The following TNRC6B variants were observed in gnomAD, a reference collection of about 807,000 sequenced individuals.
The protein encoded by TNRC6B is trinucleotide repeat-containing gene 6B protein.
Under a neutral mutation model 203.6 loss-of-function variants are expected in TNRC6B, and 52 were observed. The observed-to-expected ratio is 0.26, with a 90% confidence interval of 0.20 to 0.32. The LOEUF (loss-of-function observed/expected upper bound fraction) is 0.32. Ranked by LOEUF, TNRC6B falls within the 10% of genes least tolerant of loss-of-function variation. The probability of loss-of-function intolerance (pLI) is 1.00; values close to 1 mark genes in which losing one functional copy is unlikely to be tolerated. For synonymous variants in TNRC6B, 838 were observed against 845.7 expected (o/e 0.99, Z 0.16); for missense variants, 1,923 against 2,286.2 (o/e 0.84, Z 3.24).
intron 3 of TNRC6B, chr22:40,253,455 T>C (rs2070224183): frequency 4.7e-6 from 2 of 429,208 alleles, no homozygotes; most frequent in Non-Finnish European, 9.2e-6. Flanking sequence ...CACACTCTTC[T>C]TTCCTCTACC....
At chr22:40,271,086 C>T (rs962904632) in intron 6 of TNRC6B, among the ~76,000 whole-genome samples, 4 of 152,176 alleles carry the variant, frequency 2.6e-5, no homozygotes, top group Non-Finnish European at 5.9e-5. Context: ...AAATGAAGAA[C>T]GTCACACTTA....
chr22:40,104,110 G>A (rs916777292), intron 1 of TNRC6B, among the ~76,000 whole-genome samples: 1 of 152,102 alleles, frequency 6.6e-6, no homozygotes, highest in South Asian at 2.1e-4. Flanking sequence ...AATTAGCCAG[G>A]CGTGGTGGCG....
At chr22:40,062,569 AG>A (rs2067862494) in intron 1 of TNRC6B, among the ~76,000 whole-genome samples, 1 of 152,154 alleles carries the variant, frequency 6.6e-6, no homozygotes, top group African/African-American at 2.4e-5. Context: ...ATTTTCAAAA[AG>A]GGCTGCACCA....
chr22:40,207,582 T>C (rs1307393842), intron 1 of TNRC6B, among the ~76,000 whole-genome samples: 1 of 151,628 alleles, frequency 6.6e-6, no homozygotes, highest in Non-Finnish European at 1.5e-5. Flanking sequence ...GTACCTGTGA[T>C]CAACAGAGGA....
At chr22:40,082,218 T>C (rs12166639) in intron 1 of TNRC6B, among the ~76,000 whole-genome samples, 1,845 of 152,320 alleles carry the variant, frequency 0.012, 13 homozygotes, top group Middle Eastern at 0.027. Flanking sequence ...TAAAATGTTA[T>C]ATGCTATGAA....
chr22:40,264,919 C>G lies in TNRC6B; in HGVS notation c.689C>G (p.Thr230Ser). Residue 230 changes from threonine to serine, a missense_variant, in exon 5 of 23, where the codon ACT becomes AGT. Thr to Ser is a moderately conservative substitution (Grantham distance 58). Transcript: ENST00000454349. ...SASNPGSEKS[T>S]LPGSTTSNKG... ...TCGAACCCTGGCTCTGAGAAGAGCACTCTGCCAGGAAGCACCACTAGTAAC... is the reference window on the plus strand; with the variant it reads ...TCGAACCCTGGCTCTGAGAAGAGCAGTCTGCCAGGAAGCACCACTAGTAAC... 1.9e-6 allele frequency: 3 copies of G among 1,613,868 alleles called. No homozygotes were observed. The highest frequency in any genetic ancestry group is 1.1e-5 in the South Asian group (1 of 91,074).
At chr22:40,088,792 GC>G (rs1328518688) in intron 1 of TNRC6B, among the ~76,000 whole-genome samples, 1 of 151,950 alleles carries the variant, frequency 6.6e-6, no homozygotes, top group Non-Finnish European at 1.5e-5. Context: ...AATCATACAA[GC>G]TTAAAAATTA....
At chr22:40,180,983 A>G (rs777432411) in intron 1 of TNRC6B, among the ~76,000 whole-genome samples, 3 of 152,224 alleles carry the variant, frequency 2.0e-5, no homozygotes, top group Non-Finnish European at 4.4e-5. Flanking sequence ...TCACAGGTTC[A>G]TGACTGAAAG....
At chr22:40,225,566 T>TA (rs1326841413) in intron 1 of TNRC6B, among the ~76,000 whole-genome samples, 4 of 152,106 alleles carry the variant, frequency 2.6e-5, no homozygotes, top group East Asian at 3.9e-4. Flanking sequence ...CCATCTCTGC[T>TA]AAAAAAATTT....
chr22:40,292,775 G>A (rs2070885959), intron 12 of TNRC6B, among the ~76,000 whole-genome samples: 1 of 152,208 alleles, frequency 6.6e-6, no homozygotes, highest in African/African-American at 2.4e-5. Flanking sequence ...CCTAAGAAAG[G>A]AGAAGTTGAG....
intron 12 of TNRC6B, among the ~76,000 whole-genome samples, chr22:40,288,144 A>C (rs2070812428): frequency 6.6e-6 from 1 of 152,282 alleles, no homozygotes; most frequent in African/African-American, 2.4e-5. Context: ...CTAGACAAGA[A>C]GTATGGGACC....
At chr22:40,159,657 T>A (rs1472437177) in intron 4 of TNRC6B, among the ~76,000 whole-genome samples, 2 of 83,190 alleles carry the variant, frequency 2.4e-5, no homozygotes, top group South Asian at 4.7e-4. Context: ...AAAAAAAAAA[T>A]TTAAAAATTT....
At chr22:40,165,910 G>T (rs377280393) in intron 4 of TNRC6B, among the ~76,000 whole-genome samples, 1 of 152,172 alleles carries the variant, frequency 6.6e-6, no homozygotes, top group Non-Finnish European at 1.5e-5. Flanking sequence ...GATGAGATTT[G>T]TGTGGGGACA....
chr22:40,202,250 T>TTGTTTTTTTGTTTC (rs1269131606), intron 1 of TNRC6B, among the ~76,000 whole-genome samples: 2 of 73,262 alleles, frequency 2.7e-5, no homozygotes, highest in Non-Finnish European at 4.9e-5. Flanking sequence ...TGTGTTGTTG[T>TTGTTTTTTTGTTTC]TGTTTTTTTG....
intron 1 of TNRC6B, among the ~76,000 whole-genome samples, chr22:40,112,804 A>C (rs1024905440): frequency 6.6e-6 from 1 of 152,218 alleles, no homozygotes; most frequent in Non-Finnish European, 1.5e-5. Context: ...TTGAGACCAC[A>C]AATATAAACT....
intron 4 of TNRC6B, among the ~76,000 whole-genome samples, chr22:40,164,239 T>A (rs2068897533): frequency 6.9e-6 from 1 of 145,774 alleles, no homozygotes; most frequent in Non-Finnish European, 1.5e-5. Flanking sequence ...AAAAAAAAAA[T>A]TAGCCAGGTG....
intron 1 of TNRC6B, among the ~76,000 whole-genome samples, chr22:40,078,019 G>T (rs6001748): frequency 0.013 from 2,043 of 152,260 alleles, 56 homozygotes; most frequent in African/African-American, 0.046. Context: ...ACACCTATGT[G>T]TGCACACATC....
intron 4 of TNRC6B, among the ~76,000 whole-genome samples, chr22:40,170,853 G>GTA (rs1238495596): frequency 9.5e-6 from 1 of 105,184 alleles, no homozygotes. Flanking sequence ...ATATATGTGT[G>GTA]TATATATACA....
chr22:40,278,145 A>G, intron 9 of TNRC6B, 101 bp downstream of exon 9: 1 of 888,802 alleles, frequency 1.1e-6, no homozygotes, highest in Non-Finnish European at 1.8e-6. Flanking sequence ...AGTTCAGTAG[A>G]CATTGATTGA....
Sources: allele counts gnomAD v4.1 joint callset (sites outside exome capture counted in the v4.1 genomes callset), GRCh38; gene constraint gnomAD v4.1.1; transcripts MANE v1.5; gene names NCBI Gene and HGNC (gene_info 2026-07-23, HGNC 2026-07-21).